The following GALNT12 variants were observed in gnomAD, a reference collection of about 807,000 sequenced individuals.
The protein encoded by GALNT12 is UDP-GalNAc:polypeptide N-acetylgalactosaminyltransferase 12.
In GALNT12, 45 loss-of-function variants were observed where a neutral mutation model predicts 55.5. The observed-to-expected ratio is 0.81, with a 90% CI of 0.64 to 1.04. The LOEUF (loss-of-function observed/expected upper bound fraction) is 1.04, where lower values mean the gene tolerates loss of function less well. Among genes scored for constraint, GALNT12 ranks in the 50% least tolerant of loss-of-function variants. The pLI is 0.00. For synonymous variants in GALNT12, 304 were observed against 312.2 expected (o/e 0.97, Z 0.28); for missense variants, 709 against 754.8 (o/e 0.94, Z 0.71).
Position 98,826,820 on chromosome 9 carries a change from AAG to A in GALNT12, c.617_618del (p.Glu206GlyfsTer26). The A allele has an allele frequency of 6.2e-7, 1 of 1,612,208 alleles. No individual in the cohort carries two copies. The highest frequency in any genetic ancestry group is 1.1e-5 in the South Asian group (1 of 90,654). On this transcript the variant is annotated frameshift_variant, in exon 3 of 10. Coordinates refer to ENST00000375011, the MANE Select transcript of GALNT12 (RefSeq NM_024642.5). LOFTEE classifies it high-confidence loss of function. ...CAAGGTGCGCCTGATCCGCGCCAAC[AAG>A]AGAGAGGGCCTGGTGCGAGCCCGGC... Reference protein sequence around the residue: ...LPKVRLIRANKREGLVRARLL... With the variant: ...LPKVRLIRANXREGLVRARLL...
chr9:98,847,292 A>G (rs879794305), intron 9 of GALNT12: 1 of 152,216 alleles, frequency 6.6e-6, no homozygotes, highest in East Asian at 1.9e-4. Context: ...TCCTGCAGAA[A>G]AATGTTGTCA....
rs74450450 is a variant in GALNT12, at chr9:98,819,082, G to A, written c.372-4174G>A. Among the ~76,000 whole-genome samples, 483 of 152,268 alleles carry A rather than the reference G, an allele frequency of 3.2e-3. 9 individuals are homozygous for A. Among genetic ancestry groups the A allele is most frequent in the Admixed American group, 0.027 (418 of 15,300 alleles). ...TGAGTATCCTCACAACATGGCAGCC[G>A]GCTTTCTCCAGAATGGATGATACCT... On this transcript the variant is annotated intron_variant, in intron 1 of 9. Coordinates refer to ENST00000375011, the MANE Select transcript of GALNT12 (RefSeq NM_024642.5).
At chr9:98,810,148 A>G (rs1424159803) in intron 1 of GALNT12, among the ~76,000 whole-genome samples, 1 of 152,194 alleles carries the variant, frequency 6.6e-6, no homozygotes, top group African/African-American at 2.4e-5. Context: ...GGAGCTAATC[A>G]GGGTCTTGAG....
At chr9:98,826,495 A>C (rs913389341) in intron 2 of GALNT12, among the ~76,000 whole-genome samples, 8 of 152,188 alleles carry the variant, frequency 5.3e-5, no homozygotes, top group African/African-American at 1.9e-4. Context: ...TTTGAAGTGT[A>C]CAATTCAACG....
chr9:98,848,891 AT>A (rs1219505009), intron 9 of GALNT12, 60 bp from the exon 10 acceptor site: 1 of 1,598,172 alleles, frequency 6.3e-7, no homozygotes, highest in Non-Finnish European at 8.6e-7. Flanking sequence ...TCTTTAAAAC[AT>A]GTCTTTAGGA....
intron 5 of GALNT12, among the ~76,000 whole-genome samples, chr9:98,835,567 A>C (rs1438441061): frequency 6.6e-6 from 1 of 152,206 alleles, no homozygotes; most frequent in East Asian, 1.9e-4. Flanking sequence ...CGAGTCACAT[A>C]GTTCTCTCTC....
At chr9:98,814,932 A>G (rs547124146) in intron 1 of GALNT12, among the ~76,000 whole-genome samples, 2 of 152,212 alleles carry the variant, frequency 1.3e-5, no homozygotes, top group Non-Finnish European at 2.9e-5. Flanking sequence ...ATACAGAGAC[A>G]AACACAGCTC....
At chr9:98,838,464 C>T (rs1417607991) in intron 6 of GALNT12, among the ~76,000 whole-genome samples, 2 of 152,248 alleles carry the variant, frequency 1.3e-5, no homozygotes, top group African/African-American at 2.4e-5. Flanking sequence ...GGCCCATCCA[C>T]CCACTGCACT....
chr9:98,844,541 T>G (rs1588458401), intron 8 of GALNT12: 1 of 333,408 alleles, frequency 3.0e-6, no homozygotes, highest in East Asian at 8.0e-5. Flanking sequence ...TTTCATTTTG[T>G]ACCTGTATTA....
At chr9:98,840,857 C>T (rs1357585929) in intron 7 of GALNT12, among the ~76,000 whole-genome samples, 2 of 152,198 alleles carry the variant, frequency 1.3e-5, no homozygotes, top group Admixed American at 6.5e-5. Context: ...TTCACCTCCA[C>T]ATTTTCCTCT....
rs1588455792 is a variant in GALNT12 at position 98,840,083 on chromosome 9, G to A, written c.1294G>A (p.Val432Met). ...CKDFKWFLET[V>M]YPELHVPEDR... ...AGACTTCAAGTGGTTCTTGGAGACT[G>A]TGTATCCAGAACTGCATGTGCCTGA... The change falls in exon 7 of 10, where the codon GTG (valine) becomes ATG (methionine). Residue 432 changes from valine (V) to methionine (M), a missense_variant. Transcript: ENST00000375011. The A allele has an allele frequency of 6.2e-7, 1 of 1,614,156 alleles. No individual in the cohort carries two copies. The highest frequency in any genetic ancestry group is 1.7e-4 in the Middle Eastern group (1 of 6,040).
rs2118527131 is a variant in GALNT12 at position 98,849,620 on chromosome 9, T to A, written c.*528T>A. 2 of 411,490 alleles carry A rather than the reference T, an allele frequency of 4.9e-6. No homozygotes were observed. Among genetic ancestry groups the A allele is most frequent in the East Asian group, 7.0e-5 (2 of 28,676 alleles). The allele number at this position is 411,490 out of a possible 1,614,324, so 25.5% of individuals were successfully genotyped here. A position where few individuals can be genotyped will look rare whatever the true frequency, so the allele number is the denominator to read the frequency against. On this transcript the variant is annotated 3_prime_UTR_variant, in exon 10 of 10. Transcript: ENST00000375011. ...TTGATTTATTCAGGTCATTGAGATC[T>A]TCTAGATGTATTTTAAAAAGAATGC...
intron 1 of GALNT12, among the ~76,000 whole-genome samples, chr9:98,813,622 C>A (rs564827568): frequency 1.3e-5 from 2 of 151,980 alleles, no homozygotes; most frequent in Non-Finnish European, 2.9e-5. Flanking sequence ...CTCAGCTTCT[C>A]CCTAGTAGCT....
At chr9:98,832,359 A>G (rs927304525) in intron 4 of GALNT12, among the ~76,000 whole-genome samples, 13 of 152,188 alleles carry the variant, frequency 8.5e-5, no homozygotes, top group African/African-American at 2.9e-4. Context: ...ATCTCTACAA[A>G]AAAATAAAAA....
rs777862536 is a variant in GALNT12, at chr9:98,844,144, G to A, written c.1393G>A (p.Asp465Asn). The change falls in exon 8 of 10, where the codon GAT becomes AAT. Residue 465 changes from aspartate (D) to asparagine (N), a missense_variant. This residue lies in a region of GALNT12 where 262 missense variants were observed against 310.7 expected (regional missense o/e 0.84). Transcript: ENST00000375011. Reference sequence around the variant, plus strand: ...CTACTGCTTTGACTATAACCCTCCCGATGAAAACCAGATTGTGGGACACCA... The same window carrying A: ...CTACTGCTTTGACTATAACCCTCCCAATGAAAACCAGATTGTGGGACACCA... ...TDYCFDYNPPDENQIVGHQVI... is the reference protein window; with the variant it reads ...TDYCFDYNPPNENQIVGHQVI... The A allele has an allele frequency of 4.3e-6, 7 of 1,614,004 alleles. No individual in the cohort carries two copies. Among genetic ancestry groups the A allele is most frequent in the Non-Finnish European group, 4.2e-6 (5 of 1,179,930 alleles).
At position 98,845,995 on chromosome 9, in the gene GALNT12, C is replaced by G; in HGVS notation, c.1477C>G (p.Gln493Glu). 1.9e-6 allele frequency: 3 copies of G among 1,614,146 alleles called. No individual in the cohort carries two copies. Among genetic ancestry groups the G allele is most frequent in the Non-Finnish European group, 2.5e-6 (3 of 1,180,024 alleles). ...TTTTTAGTTTTTCGAGTACACGTCC[C>G]AGAAAGAAATACGCTATAACACCCA... ...GQNQFFEYTS[Q>E]KEIRYNTHQP... The change falls in exon 9 of 10, where the codon CAG becomes GAG. Residue 493 changes from glutamine to glutamate, a missense_variant. Gln to Glu is a conservative substitution (Grantham distance 29). Transcript: ENST00000375011.
intron 4 of GALNT12, among the ~76,000 whole-genome samples, chr9:98,834,805 C>T (rs1479582296): frequency 6.6e-6 from 1 of 152,220 alleles, no homozygotes; most frequent in East Asian, 1.9e-4. Context: ...TCTCTCTTCT[C>T]CTTGCTCTCT....
intron 3 of GALNT12, among the ~76,000 whole-genome samples, chr9:98,827,990 GTC>G (rs1564253753): frequency 6.6e-6 from 1 of 151,838 alleles, no homozygotes; most frequent in Non-Finnish European, 1.5e-5. Flanking sequence ...GCTCTGCCTC[GTC>G]TCTCTGCCCT....
At chr9:98,834,235 C>T (rs998676499) in intron 4 of GALNT12, among the ~76,000 whole-genome samples, 2 of 152,168 alleles carry the variant, frequency 1.3e-5, no homozygotes, top group African/African-American at 4.8e-5. Flanking sequence ...TCTCCTGCCT[C>T]AGCCTCCTGA....
Sources: gnomAD v4.1 joint callset for allele counts (sites outside exome capture counted in the v4.1 genomes callset) on GRCh38, gnomAD v4.1.1 for gene constraint, gnomAD v4.1.1 regional missense constraint, MANE v1.5 for transcripts, NCBI Gene and HGNC (gene_info 2026-07-23, HGNC 2026-07-21) for gene names.